The following POFUT3 variants were observed in gnomAD, a reference collection of about 807,000 sequenced individuals.
The protein encoded by POFUT3 is GDP-fucose protein O-fucosyltransferase 3.
the POFUT3 span, among the ~76,000 whole-genome samples, chr8:33,308,698 A>C: frequency 2.4e-4 from 36 of 152,276 alleles, no homozygotes; most frequent in East Asian, 6.4e-3. Flanking sequence ...ACATTAGTTA[A>C]TGAAAAACAA....
At chr8:33,438,968 T>C in the POFUT3 span, among the ~76,000 whole-genome samples, 3 of 151,930 alleles carry the variant, frequency 2.0e-5, no homozygotes, top group Non-Finnish European at 4.4e-5. Flanking sequence ...TCAAGAGAGA[T>C]TTGGGTGGAG....
chr8:33,459,138 G>A, the POFUT3 span, among the ~76,000 whole-genome samples: 47 of 152,058 alleles, frequency 3.1e-4, 1 homozygote, highest in South Asian at 8.7e-3. Context: ...TCAGGAGTTC[G>A]AGACCAGCCT....
the POFUT3 span, among the ~76,000 whole-genome samples, chr8:33,349,021 T>C: frequency 5.9e-5 from 9 of 152,260 alleles, no homozygotes; most frequent in African/African-American, 2.2e-4. Context: ...GAACTTCATC[T>C]GAGCTGAGAG....
At chr8:33,439,322 G>T in the POFUT3 span, among the ~76,000 whole-genome samples, 1 of 152,110 alleles carries the variant, frequency 6.6e-6, no homozygotes, top group African/African-American at 2.4e-5. Context: ...AGAATCGCTT[G>T]AATCTGGGAG....
chr8:33,411,229 C>T, the POFUT3 span, among the ~76,000 whole-genome samples: 8 of 152,122 alleles, frequency 5.3e-5, no homozygotes, highest in Admixed American at 5.2e-4. Flanking sequence ...ATATTAAGAT[C>T]AAATAACACA....
chr8:33,361,999 T>C, the POFUT3 span, among the ~76,000 whole-genome samples: 1 of 152,110 alleles, frequency 6.6e-6, no homozygotes, highest in Non-Finnish European at 1.5e-5. Context: ...AAGGAAAAAG[T>C]GTTAAGGGCA....
chr8:33,341,910 A>T, the POFUT3 span, among the ~76,000 whole-genome samples: 1 of 152,054 alleles, frequency 6.6e-6, no homozygotes, highest in Non-Finnish European at 1.5e-5. Context: ...AAATCAAAAA[A>T]GCCTGGGCAT....
the POFUT3 span, chr8:33,389,589 G>A: frequency 3.7e-6 from 6 of 1,614,034 alleles, no homozygotes; most frequent in East Asian, 6.7e-5. Flanking sequence ...ACTAGGTATC[G>A]GAGTGACTTC....
chr8:33,389,081 A>C, the POFUT3 span: 1 of 1,614,210 alleles, frequency 6.2e-7, no homozygotes, highest in Non-Finnish European at 8.5e-7. Flanking sequence ...GAGAGCTGTC[A>C]GAAGTCGCTG....
At chr8:33,446,795 T>C in the POFUT3 span, among the ~76,000 whole-genome samples, 1 of 152,170 alleles carries the variant, frequency 6.6e-6, no homozygotes, top group Non-Finnish European at 1.5e-5. Flanking sequence ...TGCCATTCGG[T>C]TCATTAAAGT....
At chr8:33,325,238 G>A in the POFUT3 span, among the ~76,000 whole-genome samples, 1 of 152,040 alleles carries the variant, frequency 6.6e-6, no homozygotes. Context: ...TTTGGTCCTT[G>A]TACCTAAAAG....
At chr8:33,323,878 C>T in the POFUT3 span, among the ~76,000 whole-genome samples, 1 of 152,184 alleles carries the variant, frequency 6.6e-6, no homozygotes, top group Non-Finnish European at 1.5e-5. Context: ...ACCCCTCTTT[C>T]ATGCTTTAGT....
At chr8:33,370,036 A>C in the POFUT3 span, among the ~76,000 whole-genome samples, 5 of 152,012 alleles carry the variant, frequency 3.3e-5, no homozygotes, top group Admixed American at 6.6e-5. Flanking sequence ...GCTTTTAAAA[A>C]TTAGTCATTG....
At chr8:33,356,882 C>T in the POFUT3 span, among the ~76,000 whole-genome samples, 1 of 152,148 alleles carries the variant, frequency 6.6e-6, no homozygotes, top group Non-Finnish European at 1.5e-5. Flanking sequence ...TTTCAGCTTT[C>T]TCCATATGGC....
At chr8:33,439,042 G>T in the POFUT3 span, among the ~76,000 whole-genome samples, 1 of 152,180 alleles carries the variant, frequency 6.6e-6, no homozygotes, top group Non-Finnish European at 1.5e-5. Flanking sequence ...ACATCTCAAA[G>T]CTACCACTTC....
the POFUT3 span, among the ~76,000 whole-genome samples, chr8:33,336,306 C>G: frequency 6.6e-6 from 1 of 152,170 alleles, no homozygotes; most frequent in South Asian, 2.1e-4. Context: ...GCACCCCACC[C>G]TAAGGCATTT....
the POFUT3 span, among the ~76,000 whole-genome samples, chr8:33,458,699 G>A: frequency 6.6e-6 from 1 of 151,852 alleles, no homozygotes; most frequent in African/African-American, 2.4e-5. Flanking sequence ...TGGCAAGAGA[G>A]CAAGACTCCG....
the POFUT3 span, among the ~76,000 whole-genome samples, chr8:33,392,640 T>G: frequency 7.9e-5 from 12 of 151,914 alleles, no homozygotes; most frequent in East Asian, 2.3e-3. Context: ...GCATCTCTCC[T>G]AAGCCTAGAG....
the POFUT3 span, chr8:33,389,763 G>A: frequency 3.0e-5 from 48 of 1,613,882 alleles, no homozygotes; most frequent in East Asian, 6.7e-5. Flanking sequence ...TGGGCTTTCC[G>A]AGGCAGAGGT....
Sources: gnomAD v4.1 joint callset for allele counts (sites outside exome capture counted in the v4.1 genomes callset) on GRCh38, gnomAD v4.1.1 for gene constraint, MANE v1.5 for transcripts, NCBI Gene and HGNC (gene_info 2026-07-23, HGNC 2026-07-21) for gene names.